Variants in CFAP96 observed in about 807,000 individuals in gnomAD.
The protein encoded by CFAP96 is cilia and flagella associated protein 96.
the CFAP96 span, among the ~76,000 whole-genome samples, chr4:185,420,613 C>T: frequency 6.6e-6 from 1 of 152,100 alleles, no homozygotes; most frequent in Non-Finnish European, 1.5e-5. Context: ...TGATATGTTT[C>T]AGAAAGCAGA....
chr4:185,427,975 A>G, the CFAP96 span, among the ~76,000 whole-genome samples: 1 of 151,032 alleles, frequency 6.6e-6, no homozygotes. Flanking sequence ...AATCCCAGCT[A>G]CTTGGGAGGC....
the CFAP96 span, chr4:185,415,948 A>C: frequency 8.1e-7 from 1 of 1,229,772 alleles, no homozygotes; most frequent in Non-Finnish European, 1.1e-6. Flanking sequence ...CTTTTCAAAA[A>C]TGTATTTATT....
At chr4:185,415,664 A>C in the CFAP96 span, 2 of 1,526,620 alleles carry the variant, frequency 1.3e-6, no homozygotes, top group Non-Finnish European at 1.8e-6. Flanking sequence ...GGGTTTGGGG[A>C]AGGGCCCTCA....
the CFAP96 span, among the ~76,000 whole-genome samples, chr4:185,443,567 T>G: frequency 6.6e-6 from 1 of 151,070 alleles, no homozygotes; most frequent in African/African-American, 2.4e-5. Flanking sequence ...CAGGCTGGTC[T>G]TGAACTCCTG....
At chr4:185,411,059 A>G in the CFAP96 span, among the ~76,000 whole-genome samples, 2 of 151,714 alleles carry the variant, frequency 1.3e-5, no homozygotes, top group East Asian at 3.8e-4. Context: ...GAAAGTAAAG[A>G]GCAAAAATTA....
the CFAP96 span, among the ~76,000 whole-genome samples, chr4:185,409,146 G>A: frequency 6.6e-6 from 1 of 151,996 alleles, no homozygotes; most frequent in Non-Finnish European, 1.5e-5. Flanking sequence ...AGGAATAAAG[G>A]AATGAACAAA....
the CFAP96 span, among the ~76,000 whole-genome samples, chr4:185,443,597 A>C: frequency 0.87 from 131,063 of 150,646 alleles, 57,473 homozygotes; most frequent in East Asian, 0.99. Flanking sequence ...GATCCACCTG[A>C]TTCGGCCTCC....
chr4:185,425,905 G>C, the CFAP96 span: 5 of 1,584,922 alleles, frequency 3.2e-6, no homozygotes, highest in Middle Eastern at 3.3e-4. Context: ...GCTGACGCCT[G>C]CCCAAAAGTT....
chr4:185,444,316 CTAAT>C, the CFAP96 span, among the ~76,000 whole-genome samples: 2 of 152,042 alleles, frequency 1.3e-5, no homozygotes, highest in African/African-American at 4.8e-5. Context: ...GAAAAGGTGC[CTAAT>C]TAAATGGGTT....
At chr4:185,444,977 A>G in the CFAP96 span, 2 of 1,549,498 alleles carry the variant, frequency 1.3e-6, no homozygotes, top group South Asian at 1.2e-5. Context: ...GGTGGAATGA[A>G]GGCAGGAACA....
the CFAP96 span, chr4:185,429,504 A>G: frequency 2.0e-6 from 3 of 1,517,804 alleles, no homozygotes; most frequent in Non-Finnish European, 2.7e-6. Context: ...ATGTGTCACA[A>G]TTTAATCGTA....
the CFAP96 span, among the ~76,000 whole-genome samples, chr4:185,443,706 C>A: frequency 6.6e-6 from 1 of 151,764 alleles, no homozygotes; most frequent in African/African-American, 2.4e-5. Flanking sequence ...CTTTTTCATT[C>A]TTAATTCTAT....
chr4:185,442,422 G>A, the CFAP96 span, among the ~76,000 whole-genome samples: 1 of 151,794 alleles, frequency 6.6e-6, no homozygotes, highest in South Asian at 2.1e-4. Context: ...TAAGGTTCTG[G>A]TCAATAAGTA....
At chr4:185,425,847 G>A in the CFAP96 span, 1 of 1,603,108 alleles carries the variant, frequency 6.2e-7, no homozygotes, top group Non-Finnish European at 8.5e-7. Context: ...AGGGGTCGGT[G>A]ACGAGCAGAG....
chr4:185,415,939 T>A, the CFAP96 span: 1 of 1,281,728 alleles, frequency 7.8e-7, no homozygotes. Context: ...GTAAAAAGAC[T>A]TTTCAAAAAT....
chr4:185,425,578 G>T, the CFAP96 span, among the ~76,000 whole-genome samples: 1 of 152,206 alleles, frequency 6.6e-6, no homozygotes, highest in South Asian at 2.1e-4. Context: ...AGCCCTTCTT[G>T]CAAGGCTTCA....
the CFAP96 span, chr4:185,429,363 G>T: frequency 3.5e-6 from 4 of 1,146,126 alleles, no homozygotes; most frequent in African/African-American, 1.6e-5. Flanking sequence ...TGACCCTAGG[G>T]AAACTTTTGA....
At chr4:185,412,762 G>A in the CFAP96 span, among the ~76,000 whole-genome samples, 14 of 152,090 alleles carry the variant, frequency 9.2e-5, no homozygotes, top group African/African-American at 3.1e-4. Context: ...AGGTATCCAC[G>A]GAGTCCTTGA....
the CFAP96 span, among the ~76,000 whole-genome samples, chr4:185,433,678 G>C: frequency 1.3e-5 from 2 of 151,124 alleles, no homozygotes; most frequent in African/African-American, 2.4e-5. Context: ...GAGGCGGGCG[G>C]ATCACCTGAG....
Sources: allele counts gnomAD v4.1 joint callset (sites outside exome capture counted in the v4.1 genomes callset), GRCh38; gene constraint gnomAD v4.1.1; transcripts MANE v1.5; gene names NCBI Gene and HGNC (gene_info 2026-07-23, HGNC 2026-07-21).